The following DNAH2 variants were observed in gnomAD, a reference collection of about 807,000 sequenced individuals.
DNAH2 encodes axonemal beta dynein heavy chain 2.
In DNAH2, 323 loss-of-function variants were observed where a neutral mutation model predicts 523.5. That is an observed-to-expected ratio of 0.62 (90% CI 0.56 to 0.68). The LOEUF (loss-of-function observed/expected upper bound fraction) is 0.68. Ranked by LOEUF, DNAH2 falls within the 30% of genes least tolerant of loss-of-function variation. The probability of loss-of-function intolerance (pLI) is 0.00; values close to 1 mark genes in which losing one functional copy is unlikely to be tolerated. For synonymous variants in DNAH2, 2,093 were observed against 2,177.4 expected (o/e 0.96, Z 1.08); for missense variants, 4,907 against 5,701.5 (o/e 0.86, Z 4.49).
rs1289254465 is a variant in DNAH2 at position 7,817,725 on chromosome 17, G to A, written c.10169+16G>A. The A allele has an allele frequency of 5.0e-6, 8 of 1,614,038 alleles. No individual in the cohort carries two copies. The highest frequency in any genetic ancestry group is 1.1e-5 in the South Asian group (1 of 91,082). ...GAGGCAACAGGTGAGGGTGCTGCTG[G>A]GCGTGGGGGCGGTACGGGAGCATGG... On this transcript the variant is annotated intron_variant, in intron 66 of 85. Transcript: ENST00000572933.
intron 77 of DNAH2, among the ~76,000 whole-genome samples, chr17:7,829,624 C>T (rs1481599115): frequency 6.6e-6 from 1 of 152,134 alleles, no homozygotes; most frequent in Non-Finnish European, 1.5e-5. Flanking sequence ...CAATTCCGTA[C>T]ATTTTTGTTA....
chr17:7,831,586 G>T lies in DNAH2; in HGVS notation c.12611+45G>T, dbSNP rs1313469955. The T allele has an allele frequency of 6.2e-7, 1 of 1,613,776 alleles. No homozygotes were observed. The highest frequency in any genetic ancestry group is 2.2e-5 in the East Asian group (1 of 44,870). On this transcript the variant is annotated intron_variant, in intron 81 of 85. Transcript: ENST00000572933. This position sits in a 1 kb window ranked among gnomAD's most constrained non-coding sequence, Gnocchi z 4.2. Reference sequence around the variant, plus strand: ...TGCGGAACAGGGGAGGGTGTGAGGAGAAGCCTTTGCCTTCTGGCTAGAATG... The same window carrying T: ...TGCGGAACAGGGGAGGGTGTGAGGATAAGCCTTTGCCTTCTGGCTAGAATG...
intron 36 of DNAH2, 53 bp downstream of exon 36, chr17:7,779,476 A>AG (rs2076546155): frequency 1.3e-6 from 2 of 1,570,148 alleles, no homozygotes; most frequent in Non-Finnish European, 1.7e-6. Context: ...CTGGGTGTTC[A>AG]GGGGAAATAA....
At chr17:7,750,116 T>G (rs1395523892) in intron 12 of DNAH2, among the ~76,000 whole-genome samples, 1 of 152,066 alleles carries the variant, frequency 6.6e-6, no homozygotes, top group Non-Finnish European at 1.5e-5. Flanking sequence ...TTCTCCTACC[T>G]CAGGTGATCC....
At chr17:7,830,227 T>G in intron 77 of DNAH2, 73 bp from the exon 78 acceptor site, 1 of 1,505,642 alleles carries the variant, frequency 6.6e-7, no homozygotes, top group Non-Finnish European at 9.0e-7. Context: ...CCTCCACAAC[T>G]GTACATGGCA....
intron 75 of DNAH2, 57 bp downstream of exon 75, chr17:7,824,039 C>G: frequency 6.3e-7 from 1 of 1,590,538 alleles, no homozygotes; most frequent in African/African-American, 1.3e-5. Flanking sequence ...GCCTCCCTCG[C>G]TCTGTTTCAG....
At position 7,832,694 on chromosome 17, in the gene DNAH2, G is replaced by A; in HGVS notation, c.12842G>A (p.Gly4281Asp). 1 of 1,614,112 alleles carries A rather than the reference G, an allele frequency of 6.2e-7. No individual in the cohort carries two copies. The highest frequency in any genetic ancestry group is 1.1e-5 in the South Asian group (1 of 91,088). The change falls in exon 83 of 86, where the codon GGT becomes GAT. Residue 4281 changes from glycine (G) to aspartate (D), a missense_variant. By Grantham distance (94) the Gly-to-Asp change is moderately conservative. This residue lies in a region of DNAH2 where 1,851 missense variants were observed against 2,139.4 expected (regional missense o/e 0.87). Transcript: ENST00000572933. This position sits in a 1 kb window ranked among gnomAD's most constrained non-coding sequence, Gnocchi z 4.3. ...ARPPVIFWLSGFTFPTGFLTA... is the reference protein window; with the variant it reads ...ARPPVIFWLSDFTFPTGFLTA... ...CCTCCTGTGATCTTCTGGTTGTCTG[G>A]TTTCACCTTTCCCACTGGCTTCCTC... is the stretch of plus-strand genomic sequence containing the variant.
chr17:7,764,841 T>A (rs892354290), intron 20 of DNAH2, among the ~76,000 whole-genome samples: 8 of 111,318 alleles, frequency 7.2e-5, no homozygotes, highest in African/African-American at 2.2e-4. Flanking sequence ...AGCTTTTGGA[T>A]TTTTTTTTTT....
rs1405326284 is a variant in DNAH2, at chr17:7,786,715, A to G, written c.6466+28A>G. Reference sequence around the variant, plus strand: ...ATCCAGAGGATCGTGGGGTGTGGAGAGCAGACGCCTGAGTCTCCTAAGGGG... The same window carrying G: ...ATCCAGAGGATCGTGGGGTGTGGAGGGCAGACGCCTGAGTCTCCTAAGGGG... On this transcript the variant is annotated intron_variant, in intron 41 of 85. Transcript: ENST00000572933. The surrounding 1 kb of genome is among the most constrained non-coding windows in gnomAD (Gnocchi z 7.5). 3.1e-6 allele frequency: 5 copies of G among 1,609,358 alleles called. No individual in the cohort carries two copies. The Admixed American group carries it at 8.3e-5, about 27-fold the overall frequency.
chr17:7,830,430 G>A lies in DNAH2; in HGVS notation c.11984G>A (p.Arg3995His), dbSNP rs200410447. 2 of 1,614,206 alleles carry A rather than the reference G, an allele frequency of 1.2e-6. No individual in the cohort carries two copies. The highest frequency in any genetic ancestry group is 1.7e-6 in the Non-Finnish European group (2 of 1,180,050). The change falls in exon 78 of 86, where the codon CGC becomes CAC. Residue 3995 changes from arginine (R) to histidine (H), a missense_variant. Arg to His is a conservative substitution (Grantham distance 29, BLOSUM62 0). Transcript: ENST00000572933. Reference protein sequence around the residue: ...LCFFHSVLLERKKFLQLGWNI... With the variant: ...LCFFHSVLLEHKKFLQLGWNI... ...TTCTTCCACTCTGTGTTACTTGAAC[G>A]CAAAAAGTTCCTGCAGCTTGGCTGG...
At chr17:7,775,404 G>A in intron 30 of DNAH2, 62 bp downstream of exon 30, 1 of 1,515,436 alleles carries the variant, frequency 6.6e-7, no homozygotes, top group South Asian at 1.2e-5. Context: ...AGTTCACCTG[G>A]GTCGGGCGCA....
At chr17:7,800,041 C>T (rs977135464) in intron 56 of DNAH2, among the ~76,000 whole-genome samples, 2 of 152,156 alleles carry the variant, frequency 1.3e-5, no homozygotes, top group Non-Finnish European at 2.9e-5. Context: ...GGAACCATGC[C>T]GCACTTGTCT....
At position 7,823,638 on chromosome 17, in the gene DNAH2, G is replaced by C; in HGVS notation, c.11329+10G>C. Reference sequence around the variant, plus strand: ...AAGGCGATGCTGCCAGGTACCAGGCGTCTGTGTCCCACTCTCACTTTTCTC... The same window carrying C: ...AAGGCGATGCTGCCAGGTACCAGGCCTCTGTGTCCCACTCTCACTTTTCTC... On this transcript the variant is annotated intron_variant, in intron 74 of 85. Coordinates refer to ENST00000572933, the MANE Select transcript of DNAH2 (RefSeq NM_020877.5). The C allele has an allele frequency of 6.2e-7, 1 of 1,612,642 alleles. No individual in the cohort carries two copies. The highest frequency in any genetic ancestry group is 1.1e-5 in the South Asian group (1 of 90,968).
At chr17:7,735,934 G>C (rs1005494529) in intron 7 of DNAH2, among the ~76,000 whole-genome samples, 1 of 151,932 alleles carries the variant, frequency 6.6e-6, no homozygotes, top group African/African-American at 2.4e-5. Flanking sequence ...TGTATTTTTA[G>C]TAAAGACGGA....
Position 7,821,558 on chromosome 17 carries a change from T to A in DNAH2, c.11142+189T>A, listed in dbSNP as rs2077855954. Among the ~76,000 whole-genome samples, 1 of 152,124 alleles carries A rather than the reference T, an allele frequency of 6.6e-6. No individual in the cohort carries two copies. Among genetic ancestry groups the A allele is most frequent in the South Asian group, 2.1e-4 (1 of 4,826 alleles). Reference sequence around the variant, plus strand: ...CGGAGGTGACTTGCCATGCACCCCCTTGCACTCAGCGCAGGCTGGGCTTTG... The same window carrying A: ...CGGAGGTGACTTGCCATGCACCCCCATGCACTCAGCGCAGGCTGGGCTTTG... On this transcript the variant is annotated intron_variant, in intron 73 of 85. Coordinates refer to ENST00000572933, the MANE Select transcript of DNAH2 (RefSeq NM_020877.5). This position sits in a 1 kb window ranked among gnomAD's most constrained non-coding sequence, Gnocchi z 5.0.
Position 7,788,110 on chromosome 17 carries a change from A to G in DNAH2, c.6766A>G (p.Met2256Val). 3 of 1,614,210 alleles carry G rather than the reference A, an allele frequency of 1.9e-6. No individual in the cohort carries two copies. The highest frequency in any genetic ancestry group is 2.5e-6 in the Non-Finnish European group (3 of 1,180,030). ...GGCTGAGGTGGAGCCCCTTCAACGC[A>G]TGTTCGAAAAGCTCATCAACAAGAT... ...PKAEVEPLQRMFEKLINKMLA... is the reference protein window; with the variant it reads ...PKAEVEPLQRVFEKLINKMLA... Residue 2256 changes from methionine to valine, a missense_variant, in exon 44 of 86, where the codon ATG (methionine) becomes GTG (valine). Physicochemically the swap from Met to Val is conservative, Grantham distance 21 (BLOSUM62 1). Coordinates refer to ENST00000572933, the MANE Select transcript of DNAH2 (RefSeq NM_020877.5).
chr17:7,767,951 A>G lies in DNAH2; in HGVS notation c.3727A>G (p.Asn1243Asp). The G allele has an allele frequency of 6.2e-7, 1 of 1,614,052 alleles. No individual in the cohort carries two copies. Among genetic ancestry groups the G allele is most frequent in the Non-Finnish European group, 8.5e-7 (1 of 1,180,006 alleles). ...IWEIARDWEE[N>D]WNEWKTGRFL... ...GGAGATCGCACGAGACTGGGAGGAG[A>G]ACTGGAATGAGTGGAAGACTGGCCG... The change falls in exon 23 of 86, where the codon AAC (asparagine) becomes GAC (aspartate). Residue 1243 changes from asparagine (N) to aspartate (D), a missense_variant. Around this residue, in one of 3 missense-constraint regions of DNAH2, gnomAD observed 2,806 missense variants for 3,190.8 expected, o/e 0.88. Coordinates refer to ENST00000572933, the MANE Select transcript of DNAH2 (RefSeq NM_020877.5).
chr17:7,775,182 T>C, intron 29 of DNAH2, 59 bp from the exon 30 acceptor site: 1 of 1,559,714 alleles, frequency 6.4e-7, no homozygotes, highest in African/African-American at 1.4e-5. Context: ...GCCCCAGGAC[T>C]TCTAGGCGGA....
chr17:7,802,684 G>A (rs2077255635), intron 58 of DNAH2, among the ~76,000 whole-genome samples: 1 of 150,962 alleles, frequency 6.6e-6, no homozygotes, highest in South Asian at 2.1e-4. Flanking sequence ...TTTTTTTTTA[G>A]ACGGAGTCTC....
Sources: allele counts gnomAD v4.1 joint callset (sites outside exome capture counted in the v4.1 genomes callset), GRCh38; gene constraint gnomAD v4.1.1; regional missense constraint gnomAD v4.1.1; non-coding constraint Gnocchi (gnomAD v3.1); transcripts MANE v1.5; gene names NCBI Gene and HGNC (gene_info 2026-07-23, HGNC 2026-07-21).